CERK: variants seen among roughly 807,000 people sequenced by gnomAD.
The protein encoded by CERK is ceramide kinase, also known as acylsphingosine kinase.
In CERK, 39 loss-of-function variants were observed where a neutral mutation model predicts 63.4. That is an observed-to-expected ratio of 0.61 (90% CI 0.48 to 0.80). The LOEUF (loss-of-function observed/expected upper bound fraction) is 0.80. Ranked by LOEUF, CERK falls within the 30% of genes least tolerant of loss-of-function variation. The probability of loss-of-function intolerance (pLI) is 0.00; values close to 1 mark genes in which losing one functional copy is unlikely to be tolerated. For synonymous variants in CERK, 302 were observed against 280.0 expected (o/e 1.08, Z -0.78); for missense variants, 670 against 714.1 (o/e 0.94, Z 0.70).
chr22:46,690,395 A>C (rs1404634022), intron 11 of CERK, among the ~76,000 whole-genome samples, 195 bp from the exon 12 acceptor site: 2 of 151,998 alleles, frequency 1.3e-5, no homozygotes, highest in African/African-American at 4.8e-5. Context: ...GATGAAGGGA[A>C]ACCTGGCACC....
intron 3 of CERK, 51 bp downstream of exon 3, chr22:46,720,035 A>G: frequency 6.3e-7 from 1 of 1,593,108 alleles, no homozygotes; most frequent in Non-Finnish European, 8.6e-7. Flanking sequence ...CCAATCAGGC[A>G]TGCGCATGCC....
intron 8 of CERK, among the ~76,000 whole-genome samples, chr22:46,697,732 T>C (rs1569320392): frequency 6.6e-6 from 1 of 152,228 alleles, no homozygotes; most frequent in Non-Finnish European, 1.5e-5. Context: ...CTTGAACTCC[T>C]GACCTCAGGT....
At chr22:46,700,843 C>G (rs1406078904) in intron 7 of CERK, among the ~76,000 whole-genome samples, 1 of 152,096 alleles carries the variant, frequency 6.6e-6, no homozygotes, top group Non-Finnish European at 1.5e-5. Flanking sequence ...GAAACCCCAT[C>G]CCTACTAAAA....
rs1420813982 is a variant in CERK at position 46,687,234 on chromosome 22, C to T, written c.1542-28G>A. On this transcript the variant is annotated intron_variant, in intron 12 of 12. Coordinates refer to ENST00000216264, the MANE Select transcript of CERK (RefSeq NM_022766.6). ...GCAGAGACAAGCGGCCACGTGTAAA[C>T]CCCACGTGTCCCTCACTCAAAGCTG... is the stretch of plus-strand genomic sequence containing the variant. The T allele has an allele frequency of 3.8e-6, 6 of 1,587,798 alleles. No individual in the cohort carries two copies. The South Asian group carries it at 6.6e-5, about 18-fold the overall frequency.
chr22:46,737,714 C>T (rs1444713690), intron 1 of CERK, among the ~76,000 whole-genome samples: 1 of 152,174 alleles, frequency 6.6e-6, no homozygotes, highest in Non-Finnish European at 1.5e-5. Context: ...GCACCGGGGG[C>T]CACGACCCCG....
intron 10 of CERK, among the ~76,000 whole-genome samples, chr22:46,692,303 G>GT (rs1356184571): frequency 2.0e-5 from 3 of 151,930 alleles, no homozygotes; most frequent in Non-Finnish European, 2.9e-5. Context: ...GTGCATGCCT[G>GT]TAATCCCAGC....
chr22:46,715,899 A>C (rs2082863832), intron 3 of CERK, among the ~76,000 whole-genome samples: 1 of 152,094 alleles, frequency 6.6e-6, no homozygotes, highest in Non-Finnish European at 1.5e-5. Flanking sequence ...AAAATCATAA[A>C]AATAGGCCGA....
intron 1 of CERK, 62 bp from the exon 2 acceptor site, chr22:46,721,077 T>A: frequency 9.8e-7 from 1 of 1,025,296 alleles, no homozygotes; most frequent in Non-Finnish European, 1.5e-6. Flanking sequence ...GTAAAATCAG[T>A]CCAACTCCAA....
At chr22:46,710,386 C>T (rs918550776) in intron 5 of CERK, among the ~76,000 whole-genome samples, 1 of 150,530 alleles carries the variant, frequency 6.6e-6, no homozygotes, top group Non-Finnish European at 1.5e-5. Flanking sequence ...GAGGTCACGC[C>T]ATTGCACTCC....
rs2082750472 is a variant in CERK, at chr22:46,695,251, G to A, written c.1008C>T (p.His336=). 1 of 1,611,596 alleles carries A rather than the reference G, an allele frequency of 6.2e-7. No homozygotes were observed. Among genetic ancestry groups the A allele is most frequent in the African/African-American group, 1.3e-5 (1 of 75,026 alleles). ...EGTVSFLPAQ[H]TVGSPRDRKP... is the part of the protein sequence containing the mutation. ...TCCTATCCCTTGGAGATCCCACCGT[G>A]TGTTGTGCAGGGAGGAAGGACACTG... is the stretch of plus-strand genomic sequence containing the variant. Residue 336 remains histidine, a synonymous_variant, in exon 9 of 13, where the codon CAC becomes CAT. Transcript: ENST00000216264.
intron 1 of CERK, among the ~76,000 whole-genome samples, chr22:46,721,333 C>T (rs2082891538): frequency 1.3e-5 from 2 of 152,034 alleles, no homozygotes; most frequent in Admixed American, 1.3e-4. Context: ...CACGCTGTCG[C>T]CCAGGCTGGA....
At chr22:46,715,490 C>T (rs1262326051) in intron 3 of CERK, among the ~76,000 whole-genome samples, 1 of 152,038 alleles carries the variant, frequency 6.6e-6, no homozygotes, top group Non-Finnish European at 1.5e-5. Flanking sequence ...GAGACTTTCC[C>T]GTAAATGCCA....
rs1046756691 is a variant in CERK at position 46,685,068 on chromosome 22, T to C, written c.*2066A>G. The C allele has an allele frequency of 8.3e-6, 1 of 120,172 alleles. No homozygotes were observed. Among genetic ancestry groups the C allele is most frequent in the African/African-American group, 2.9e-5 (1 of 34,310 alleles). The allele number at this position is 120,172 out of a possible 1,614,324, so 7.4% of individuals were successfully genotyped here. ...GCAGGCCAGTGTATGGGAAACTTTT[T>C]TTTTTGTTGGGGGGGGCGATGGAGT... On this transcript the variant is annotated 3_prime_UTR_variant, in exon 13 of 13. Coordinates refer to ENST00000216264, the MANE Select transcript of CERK (RefSeq NM_022766.6).
chr22:46,733,553 C>T (rs1280006169), intron 1 of CERK, among the ~76,000 whole-genome samples: 1 of 151,698 alleles, frequency 6.6e-6, no homozygotes, highest in Non-Finnish European at 1.5e-5. Context: ...CTCGGCCTCC[C>T]AAAGTGCTGG....
At chr22:46,721,114 T>G (rs957847382) in intron 1 of CERK, 99 bp from the exon 2 acceptor site, 1 of 794,564 alleles carries the variant, frequency 1.3e-6, no homozygotes, top group Admixed American at 1.8e-5. Flanking sequence ...TGCTTTAATA[T>G]TCTCATTAGA....
intron 9 of CERK, among the ~76,000 whole-genome samples, chr22:46,694,158 A>C (rs1473652719): frequency 1.3e-5 from 2 of 152,160 alleles, no homozygotes; most frequent in Non-Finnish European, 2.9e-5. Flanking sequence ...TGAAGTCTGC[A>C]TGACTTAAAA....
At chr22:46,690,310 A>C in intron 11 of CERK, 110 bp from the exon 12 acceptor site, 5 of 747,714 alleles carry the variant, frequency 6.7e-6, no homozygotes, top group Non-Finnish European at 1.1e-5. Context: ...GGGTGCACAC[A>C]CGGCCCTTCT....
At chr22:46,694,372 G>A (rs996822477) in intron 9 of CERK, among the ~76,000 whole-genome samples, 4 of 152,156 alleles carry the variant, frequency 2.6e-5, no homozygotes, top group African/African-American at 9.7e-5. Flanking sequence ...CTGTGTGGGG[G>A]TGGGGGCGGA....
At chr22:46,702,624 G>A (rs908351785) in intron 6 of CERK, among the ~76,000 whole-genome samples, 11 of 152,346 alleles carry the variant, frequency 7.2e-5, no homozygotes, top group African/African-American at 2.4e-4. Context: ...TGCGGCAAAG[G>A]TCACACACAG....
Sources: gnomAD v4.1 joint callset for allele counts (sites outside exome capture counted in the v4.1 genomes callset) on GRCh38, gnomAD v4.1.1 for gene constraint, MANE v1.5 for transcripts, NCBI Gene and HGNC (gene_info 2026-07-23, HGNC 2026-07-21) for gene names.